DLG5: variants seen among roughly 807,000 people sequenced by gnomAD.
DLG5 encodes the protein disks large homolog 5.
In DLG5, 48 loss-of-function variants were observed where a neutral mutation model predicts 189.8. That is an observed-to-expected ratio of 0.25 (90% CI 0.20 to 0.32). The LOEUF (loss-of-function observed/expected upper bound fraction) is 0.32, where lower values mean the gene tolerates loss of function less well. DLG5 is among the 10% of genes least tolerant of loss of function. The probability of loss-of-function intolerance (pLI) is 1.00; values close to 1 mark genes in which losing one functional copy is unlikely to be tolerated. For missense variants in DLG5, 2,160 were observed against 2,544.7 expected (o/e 0.85, Z 3.25); for synonymous variants, 1,016 against 1,054.1 (o/e 0.96, Z 0.70).
At chr10:77,880,367 T>C (rs922584890) in intron 1 of DLG5, among the ~76,000 whole-genome samples, 7 of 152,122 alleles carry the variant, frequency 4.6e-5, no homozygotes, top group African/African-American at 1.7e-4. Context: ...GGCAAGAGAA[T>C]TGCTTGAACC....
rs1172036793 is a variant in DLG5 at position 77,843,697 on chromosome 10, G to A, written c.874C>T (p.His292Tyr). Reference protein sequence around the residue: ...LRAQQQQVLKHNGSSEILNKL... With the variant: ...LRAQQQQVLKYNGSSEILNKL... ...TTGAGAATCTCGGATGACCCGTTGT[G>A]CTTCAACACCTGGAGACCAGACAGT... is the stretch of plus-strand genomic sequence containing the variant. Residue 292 changes from histidine to tyrosine, a missense_variant, in exon 6 of 32, where the codon CAC becomes TAC. Around this residue, in one of 5 missense-constraint regions of DLG5, gnomAD observed 664 missense variants for 838.5 expected, o/e 0.79. Coordinates refer to ENST00000372391, the MANE Select transcript of DLG5 (RefSeq NM_004747.4). The A allele has an allele frequency of 6.2e-7, 1 of 1,613,946 alleles. No homozygotes were observed. Among genetic ancestry groups the A allele is most frequent in the African/African-American group, 1.3e-5 (1 of 74,876 alleles).
chr10:77,917,554 GA>G (rs1412161470), intron 1 of DLG5, among the ~76,000 whole-genome samples: 2 of 150,872 alleles, frequency 1.3e-5, no homozygotes, highest in Admixed American at 6.6e-5. Flanking sequence ...GAGAGAGAGA[GA>G]AAGACAGCAA....
intron 5 of DLG5, chr10:77,846,648 G>C: frequency 2.2e-6 from 1 of 455,428 alleles, no homozygotes; most frequent in South Asian, 1.6e-5. Flanking sequence ...AGTGAGCCAA[G>C]ACTGTGCCAC....
chr10:77,811,526 T>C (rs181231883), intron 22 of DLG5, among the ~76,000 whole-genome samples: 84 of 152,224 alleles, frequency 5.5e-4, no homozygotes, highest in African/African-American at 2.0e-3. Context: ...CCTGCTGAGC[T>C]TGTGGCGCAG....
intron 14 of DLG5, among the ~76,000 whole-genome samples, chr10:77,823,158 G>A (rs1213828214): frequency 6.6e-6 from 1 of 152,224 alleles, no homozygotes; most frequent in Non-Finnish European, 1.5e-5. Context: ...TTGGGGACAG[G>A]AGTGGGGATG....
chr10:77,835,744 C>T lies in DLG5; in HGVS notation c.1616G>A (p.Ser539Asn). 3.7e-6 allele frequency: 6 copies of T among 1,610,390 alleles called. No individual in the cohort carries two copies. Among genetic ancestry groups the T allele is most frequent in the Non-Finnish European group, 5.1e-6 (6 of 1,179,004 alleles). The stretch of plus-strand genomic sequence containing the variant: ...GCTTGAGGTCACCCCATACCGGATG[C>T]TGTCACGCTCTGCTACAATCTTGTC... ...ERDKIVAERD[S>N]IRTLCDNLRR... is the part of the protein sequence containing the mutation. Residue 539 changes from serine to asparagine, a missense_variant, in exon 8 of 32, where the codon AGC becomes AAC. Ser to Asn is a conservative substitution (Grantham distance 46). Coordinates refer to ENST00000372391, the MANE Select transcript of DLG5 (RefSeq NM_004747.4).
chr10:77,927,033 A>T (rs1266334440), upstream of DLG5: 4 of 265,584 alleles, frequency 1.5e-5, no homozygotes, highest in African/African-American at 2.4e-5. Flanking sequence ...GCCCCCGTGC[A>T]CCCCGGCCCG....
At chr10:77,860,224 C>T (rs1844418616) in intron 2 of DLG5, among the ~76,000 whole-genome samples, 1 of 152,248 alleles carries the variant, frequency 6.6e-6, no homozygotes, top group South Asian at 2.1e-4. Flanking sequence ...ACTTCACCCT[C>T]ATGCCTCGGT....
rs566863983 is a variant in DLG5 at position 77,875,516 on chromosome 10, G to A, written c.305-6319C>T. 3.3e-5 allele frequency among the ~76,000 whole-genome samples: 5 copies of A among 150,134 alleles called. No individual in the cohort carries two copies. The East Asian group carries it at 9.8e-4, about 30-fold the overall frequency. On this transcript the variant is annotated intron_variant, in intron 1 of 31. Transcript: ENST00000372391. ...CCACCCAAGTGGGAAGAAAGAGAAG[G>A]AGCTGTGGCTTCATGGCCCCCATTC...
At chr10:77,833,842 T>G in intron 9 of DLG5, 72 bp downstream of exon 9, 2 of 1,578,656 alleles carry the variant, frequency 1.3e-6, no homozygotes, top group South Asian at 2.3e-5. Flanking sequence ...CAGCATTGCC[T>G]TGCCCAGAAG....
At chr10:77,869,370 G>A (rs899909095) in intron 1 of DLG5, 173 bp from the exon 2 acceptor site, 181 of 599,012 alleles carry the variant, frequency 3.0e-4, no homozygotes, top group Non-Finnish European at 4.8e-4. Context: ...GGACTTCGGT[G>A]TTTCTGCCAG....
At chr10:77,899,281 G>A (rs954919158) in intron 1 of DLG5, among the ~76,000 whole-genome samples, 7 of 152,184 alleles carry the variant, frequency 4.6e-5, no homozygotes, top group Admixed American at 1.3e-4. Context: ...CTGCTGCAGC[G>A]TTCTTCCTTG....
At chr10:77,879,353 G>A (rs946456034) in intron 1 of DLG5, among the ~76,000 whole-genome samples, 2 of 152,110 alleles carry the variant, frequency 1.3e-5, no homozygotes, top group Admixed American at 1.3e-4. Flanking sequence ...CAATAGGACA[G>A]CTCCAGGCAG....
intron 1 of DLG5, among the ~76,000 whole-genome samples, chr10:77,905,078 G>A (rs1466767945): frequency 3.4e-5 from 5 of 147,694 alleles, no homozygotes; most frequent in Non-Finnish European, 5.9e-5. Flanking sequence ...GCAGTGAGCC[G>A]AGATCGCGCC....
Position 77,918,363 on chromosome 10 carries a change from G to A in DLG5, c.304+7854C>T, listed in dbSNP as rs139521715. ...GGGAGGCGAAGGTTGCATGAGCCGA[G>A]ATCGCACCATTGCACTCCAGCCTAG... On this transcript the variant is annotated intron_variant, in intron 1 of 31. Coordinates refer to ENST00000372391, the MANE Select transcript of DLG5 (RefSeq NM_004747.4). Among the ~76,000 whole-genome samples the A allele has an allele frequency of 9.4e-3, 1,422 of 151,868 alleles. 19 individuals are homozygous for A. Among genetic ancestry groups the A allele is most frequent in the African/African-American group, 0.032 (1,336 of 41,392 alleles).
At chr10:77,849,891 G>A (rs1456464195) in intron 5 of DLG5, among the ~76,000 whole-genome samples, 1 of 152,198 alleles carries the variant, frequency 6.6e-6, no homozygotes, top group African/African-American at 2.4e-5. Context: ...ACAATTTCTT[G>A]TAGAGATAGT....
chr10:77,874,647 C>A (rs1845029010), intron 1 of DLG5, among the ~76,000 whole-genome samples: 2 of 152,212 alleles, frequency 1.3e-5, no homozygotes, highest in South Asian at 2.1e-4. Flanking sequence ...CCCAAGATAT[C>A]TCATTATGTA....
chr10:77,890,332 C>G (rs563194259), intron 1 of DLG5, among the ~76,000 whole-genome samples: 6 of 152,280 alleles, frequency 3.9e-5, no homozygotes, highest in Admixed American at 6.5e-5. Context: ...GCCTCTTGTG[C>G]TCGTCACTTC....
intron 1 of DLG5, among the ~76,000 whole-genome samples, chr10:77,876,707 A>AAGGAAGGG (rs1554827479): frequency 6.4e-4 from 45 of 69,952 alleles, no homozygotes; most frequent in African/African-American, 7.1e-4. Context: ...GGAAGGAAGG[A>AAGGAAGGG]AGGGAGGGAG....
Sources: allele counts gnomAD v4.1 joint callset (sites outside exome capture counted in the v4.1 genomes callset), GRCh38; gene constraint gnomAD v4.1.1; regional missense constraint gnomAD v4.1.1; transcripts MANE v1.5; gene names NCBI Gene and HGNC (gene_info 2026-07-23, HGNC 2026-07-21).